Variants in SRPRA observed in about 807,000 individuals in gnomAD.
The protein encoded by SRPRA is signal recognition particle receptor subunit alpha.
A neutral mutation model predicts 61.1 loss-of-function variants in SRPRA; 30 were observed. That is an observed-to-expected ratio of 0.49 (90% CI 0.37 to 0.67). SRPRA has a LOEUF of 0.67. SRPRA is among the 30% of genes least tolerant of loss of function. The pLI, the probability that SRPRA is intolerant of heterozygous loss-of-function variation, is 0.00. For synonymous variants in SRPRA, 324 were observed against 299.7 expected (o/e 1.08, Z -0.84); for missense variants, 759 against 828.4 (o/e 0.92, Z 1.03).
the SRPRA span, chr11:126,254,487 T>G: frequency 1.2e-6 from 2 of 1,603,878 alleles, no homozygotes; most frequent in Non-Finnish European, 1.7e-6. Context: ...GAAATCTCTC[T>G]AAATATGCCA....
chr11:126,255,641 G>C, the SRPRA span, among the ~76,000 whole-genome samples: 1 of 152,136 alleles, frequency 6.6e-6, no homozygotes, highest in East Asian at 1.9e-4. This position sits in a 1 kb window ranked among gnomAD's most constrained non-coding sequence, Gnocchi z 4.6. Context: ...GATATATGAA[G>C]ACCTACTCTT....
the SRPRA span, among the ~76,000 whole-genome samples, chr11:126,238,745 T>G: frequency 3.9e-5 from 6 of 152,114 alleles, no homozygotes; most frequent in African/African-American, 1.4e-4. Context: ...CCCTCTACCT[T>G]TAGATGTACA....
the SRPRA span, among the ~76,000 whole-genome samples, chr11:126,243,843 G>C: frequency 4.0e-4 from 61 of 151,012 alleles, no homozygotes; most frequent in East Asian, 0.011. Flanking sequence ...GGCAGGGGCT[G>C]CAGTGAGCCA....
rs746591854 is a variant in SRPRA at position 126,266,106 on chromosome 11, A to G, written c.933-25T>C. The G allele has an allele frequency of 5.0e-6, 8 of 1,613,052 alleles. No individual in the cohort carries two copies. The African/African-American group carries it at 1.1e-4, about 22-fold the overall frequency. On this transcript the variant is annotated intron_variant, in intron 7 of 13. Coordinates refer to ENST00000332118, the MANE Select transcript of SRPRA (RefSeq NM_003139.4). ...ACTGCAGGGACAGGAGATTACACAT[A>G]CACATAAAACCAGTAGGCAGGAGTT...
the SRPRA span, among the ~76,000 whole-genome samples, chr11:126,247,771 T>A: frequency 6.6e-6 from 1 of 150,614 alleles, no homozygotes; most frequent in Non-Finnish European, 1.5e-5. Flanking sequence ...GGCAGGGGAA[T>A]TGCTTGAACC....
chr11:126,261,290 C>G, downstream of SRPRA: 2 of 672,522 alleles, frequency 3.0e-6, no homozygotes, highest in South Asian at 3.8e-5. Flanking sequence ...CTTATCTTCT[C>G]AATGATTGTT....
At chr11:126,248,463 C>T in the SRPRA span, among the ~76,000 whole-genome samples, 30 of 148,108 alleles carry the variant, frequency 2.0e-4, no homozygotes, top group African/African-American at 7.0e-4. Context: ...CTCTGCCTCC[C>T]GGATTCAAGC....
the SRPRA span, chr11:126,240,943 G>T: frequency 6.2e-7 from 1 of 1,614,138 alleles, no homozygotes; most frequent in Non-Finnish European, 8.5e-7. Context: ...CATTGATTTT[G>T]ATCTTTTAGA....
chr11:126,262,203 A>G, downstream of SRPRA: 2 of 1,545,610 alleles, frequency 1.3e-6, no homozygotes, highest in Non-Finnish European at 1.8e-6. Flanking sequence ...TTTAACAAGT[A>G]AACTTACAAG....
downstream of SRPRA, among the ~76,000 whole-genome samples, chr11:126,259,870 G>A (rs188691938): frequency 0.015 from 2,307 of 148,844 alleles, 70 homozygotes; most frequent in African/African-American, 0.055. Context: ...AAAGGCGCCC[G>A]CCACCACACC....
In SRPRA at chr11:126,263,795, C is replaced by G. The variant is rs1041593268; in HGVS notation, c.*121G>C. The G allele has an allele frequency of 2.2e-6, 3 of 1,389,912 alleles. No homozygotes were observed. Among genetic ancestry groups the G allele is most frequent in the Non-Finnish European group, 2.9e-6 (3 of 1,024,654 alleles). The allele number at this position is 1,389,912 out of a possible 1,614,324, so 86.1% of individuals were successfully genotyped here. ...GTGGGGTTGGAAGGAGCCACAAGCC[C>G]CCTCACTCTGCCTTTGTACTACACT... is the stretch of plus-strand genomic sequence containing the variant. On this transcript the variant is annotated 3_prime_UTR_variant, in exon 14 of 14. Coordinates refer to ENST00000332118, the MANE Select transcript of SRPRA (RefSeq NM_003139.4).
the SRPRA span, among the ~76,000 whole-genome samples, chr11:126,242,929 C>T: frequency 3.3e-5 from 5 of 152,156 alleles, no homozygotes; most frequent in Admixed American, 2.0e-4. Context: ...TTCATAGCAA[C>T]GTTATTCATA....
In SRPRA at chr11:126,265,509, T is replaced by C; in HGVS notation, c.1139-69A>G. On this transcript the variant is annotated intron_variant, in intron 9 of 13. Coordinates refer to ENST00000332118, the MANE Select transcript of SRPRA (RefSeq NM_003139.4). The surrounding 1 kb of genome is among the most constrained non-coding windows in gnomAD (Gnocchi z 6.3). Reference sequence around the variant, plus strand: ...AATGCTCTCAAAAATGCCTAACACCTTTCTGAGCTAAGGGGACTAAAACAG... The same window carrying C: ...AATGCTCTCAAAAATGCCTAACACCCTTCTGAGCTAAGGGGACTAAAACAG... The C allele has an allele frequency of 6.5e-7, 1 of 1,536,832 alleles. No homozygotes were observed. Among genetic ancestry groups the C allele is most frequent in the Non-Finnish European group, 8.8e-7 (1 of 1,133,544 alleles).
the SRPRA span, chr11:126,250,494 A>T: frequency 6.3e-7 from 1 of 1,594,656 alleles, no homozygotes; most frequent in African/African-American, 1.3e-5. The surrounding 1 kb of genome is among the most constrained non-coding windows in gnomAD (Gnocchi z 5.1). Flanking sequence ...CTTTTTTCAA[A>T]TCCCTCCTCA....
At chr11:126,268,437 T>C (rs1015071013) in intron 1 of SRPRA, among the ~76,000 whole-genome samples, 1 of 152,060 alleles carries the variant, frequency 6.6e-6, no homozygotes, top group African/African-American at 2.4e-5. Flanking sequence ...TGGGGATAAA[T>C]AGAGGGAGCG....
the SRPRA span, among the ~76,000 whole-genome samples, chr11:126,242,556 A>G: frequency 6.6e-6 from 1 of 152,276 alleles, no homozygotes; most frequent in African/African-American, 2.4e-5. Flanking sequence ...TAATAATTCA[A>G]TTTTAAAATA....
At chr11:126,266,376 G>A in intron 6 of SRPRA, 98 bp from the exon 7 acceptor site, 2 of 1,590,110 alleles carry the variant, frequency 1.3e-6, no homozygotes, top group Non-Finnish European at 1.7e-6. Flanking sequence ...GAAGCTCCAA[G>A]TATAACTTAC....
At position 126,263,244 on chromosome 11, in the gene SRPRA, A is replaced by G. The variant is rs1950739627; in HGVS notation, c.*672T>C. 1 of 152,360 alleles carries G rather than the reference A, an allele frequency of 6.6e-6. No homozygotes were observed. The highest frequency in any genetic ancestry group is 1.5e-5 in the Non-Finnish European group (1 of 68,052). 9.4% of individuals were successfully genotyped at this position (152,360 alleles called of 1,614,324 possible). On this transcript the variant is annotated 3_prime_UTR_variant, in exon 14 of 14. Coordinates refer to ENST00000332118, the MANE Select transcript of SRPRA (RefSeq NM_003139.4). ...ACTTCTGGATTCTGGGAGTGGGAAGAGTTGGGAGGCCAAGAAGCCCAATGC... is the reference window on the plus strand; with the variant it reads ...ACTTCTGGATTCTGGGAGTGGGAAGGGTTGGGAGGCCAAGAAGCCCAATGC...
At chr11:126,248,000 A>G in the SRPRA span, among the ~76,000 whole-genome samples, 1 of 138,366 alleles carries the variant, frequency 7.2e-6, no homozygotes, top group Admixed American at 7.4e-5. Flanking sequence ...ATATATATAT[A>G]CAAGGCGTGG....
Sources: gnomAD v4.1 joint callset for allele counts (sites outside exome capture counted in the v4.1 genomes callset) on GRCh38, gnomAD v4.1.1 for gene constraint, Gnocchi (gnomAD v3.1) non-coding constraint, MANE v1.5 for transcripts, NCBI Gene and HGNC (gene_info 2026-07-23, HGNC 2026-07-21) for gene names.